The following LMO7 variants were observed in gnomAD, a reference collection of about 807,000 sequenced individuals.
LMO7 encodes the protein LIM domain 7, also known as LIM domain only protein 7.
A neutral mutation model predicts 206.5 loss-of-function variants in LMO7; 120 were observed. That is an observed-to-expected ratio of 0.58 (90% confidence interval 0.50 to 0.68). The LOEUF (loss-of-function observed/expected upper bound fraction) is 0.68, where lower values mean the gene tolerates loss of function less well. Among genes scored for constraint, LMO7 ranks in the 30% least tolerant of loss-of-function variants. The pLI is 0.00. For synonymous variants in LMO7, 706 were observed against 681.5 expected, an observed-to-expected ratio of 1.04 and a Z score of -0.56; for missense variants, 1,959 against 1,957.9, an observed-to-expected ratio of 1.00 and a Z score of -0.01.
At chr13:75,640,300 C>G (rs1263317822) in intron 1 of LMO7, among the ~76,000 whole-genome samples, 1 of 152,146 alleles carries the variant, frequency 6.6e-6, no homozygotes. Context: ...GTTTTTTCCT[C>G]TTAATCTCCC....
chr13:75,709,588 A>C (rs923711432), intron 1 of LMO7, among the ~76,000 whole-genome samples: 1 of 152,130 alleles, frequency 6.6e-6, no homozygotes, highest in Admixed American at 6.5e-5. Flanking sequence ...TGGCTGCATA[A>C]ATGTCTTCTT....
At chr13:75,674,478 G>A (rs968228813) in intron 1 of LMO7, among the ~76,000 whole-genome samples, 1 of 152,178 alleles carries the variant, frequency 6.6e-6, no homozygotes, top group African/African-American at 2.4e-5. Context: ...TGTGGATTGT[G>A]CTTTCAGAAA....
intron 30 of LMO7, 64 bp downstream of exon 30, chr13:75,856,672 T>G: frequency 6.5e-6 from 6 of 921,052 alleles, no homozygotes; most frequent in East Asian, 2.5e-5. Context: ...TCCCATGCAT[T>G]TCCCTGAACC....
chr13:75,834,122 T>C, intron 16 of LMO7, 104 bp from the exon 17 acceptor site: 2 of 779,342 alleles, frequency 2.6e-6, no homozygotes, highest in East Asian at 5.6e-5. Context: ...AAGAGAGAAA[T>C]GGTTAATTGA....
intron 5 of LMO7, among the ~76,000 whole-genome samples, chr13:75,795,775 G>A (rs370267430): frequency 2.9e-4 from 44 of 152,166 alleles, no homozygotes; most frequent in African/African-American, 8.9e-4. Context: ...CAATGAGAAC[G>A]CATGGACACA....
intron 4 of LMO7, among the ~76,000 whole-genome samples, chr13:75,774,842 G>T (rs1235839412): frequency 6.6e-6 from 1 of 152,062 alleles, no homozygotes; most frequent in Non-Finnish European, 1.5e-5. Flanking sequence ...AAGAGCAGAA[G>T]ATTTGATGAA....
chr13:75,815,303 T>A (rs2056864491), intron 11 of LMO7, among the ~76,000 whole-genome samples: 1 of 151,990 alleles, frequency 6.6e-6, no homozygotes. Flanking sequence ...ATGGTGCAGG[T>A]GGTAAGAAGT....
At chr13:75,688,602 C>A (rs370461846) in intron 1 of LMO7, 1 of 152,284 alleles carries the variant, frequency 6.6e-6, no homozygotes, top group African/African-American at 2.4e-5. Flanking sequence ...TTGCATTAAC[C>A]CCCCATGGAA....
At chr13:75,764,599 G>A (rs1219931248) in intron 4 of LMO7, among the ~76,000 whole-genome samples, 1 of 152,046 alleles carries the variant, frequency 6.6e-6, no homozygotes, top group Non-Finnish European at 1.5e-5. Flanking sequence ...AGAAAGGTAG[G>A]GTTTAACCAT....
intron 1 of LMO7, among the ~76,000 whole-genome samples, chr13:75,690,515 T>C (rs1377987953): frequency 6.6e-6 from 1 of 152,210 alleles, no homozygotes; most frequent in Non-Finnish European, 1.5e-5. Context: ...ATAAATAAAG[T>C]ACTTGATTGA....
chr13:75,772,863 A>G (rs975359794), intron 4 of LMO7, among the ~76,000 whole-genome samples: 1 of 152,108 alleles, frequency 6.6e-6, no homozygotes, highest in African/African-American at 2.4e-5. Flanking sequence ...ATGGAAAACA[A>G]CCAGGGATCT....
At chr13:75,738,786 G>C (rs2046177823) in intron 3 of LMO7, among the ~76,000 whole-genome samples, 1 of 152,190 alleles carries the variant, frequency 6.6e-6, no homozygotes, top group Non-Finnish European at 1.5e-5. Context: ...TATTGAACCA[G>C]AATAATGTTT....
At chr13:75,686,146 TG>T (rs906508468) in intron 1 of LMO7, among the ~76,000 whole-genome samples, 1 of 152,084 alleles carries the variant, frequency 6.6e-6, no homozygotes, top group African/African-American at 2.4e-5. Context: ...CCTAAAGTGC[TG>T]GGATTACAGG....
intron 1 of LMO7, among the ~76,000 whole-genome samples, chr13:75,644,422 G>T (rs1365280490): frequency 6.6e-6 from 1 of 152,276 alleles, no homozygotes; most frequent in East Asian, 1.9e-4. Flanking sequence ...CGCTGGCCAG[G>T]TAGTTCATCA....
chr13:75,739,796 T>C (rs2046271250), intron 3 of LMO7, among the ~76,000 whole-genome samples: 1 of 152,222 alleles, frequency 6.6e-6, no homozygotes. Context: ...TTTTGTCCTG[T>C]ACTTTTCTAA....
chr13:75,840,305 A>G lies in LMO7; in HGVS notation c.3478-86A>G, dbSNP rs1371136075. On this transcript the variant is annotated intron_variant, in intron 21 of 30. Transcript: ENST00000377534. ...GTTTAAGCAAACTGTGATATGAATA[A>G]TTTATGTGTGCAAAAGTGGTTCAGT... The G allele has an allele frequency of 6.7e-6, 10 of 1,489,256 alleles. No individual in the cohort carries two copies. In the East Asian group the frequency reaches 2.3e-4, roughly 34 times the overall value. 92.3% of individuals were successfully genotyped at this position (1,489,256 alleles called of 1,614,324 possible).
At chr13:75,849,412 A>G in intron 27 of LMO7, 120 bp downstream of exon 27, 1 of 696,422 alleles carries the variant, frequency 1.4e-6, no homozygotes, top group Non-Finnish European at 2.5e-6. Flanking sequence ...CGCTCTGGGC[A>G]CTATTATGTG....
At chr13:75,750,271 A>G (rs935907587) in intron 3 of LMO7, among the ~76,000 whole-genome samples, 1 of 152,082 alleles carries the variant, frequency 6.6e-6, no homozygotes, top group African/African-American at 2.4e-5. Context: ...ACTTATGTGC[A>G]TACTAAAGAG....
At chr13:75,675,694 A>T (rs1454578589) in intron 1 of LMO7, among the ~76,000 whole-genome samples, 1 of 152,212 alleles carries the variant, frequency 6.6e-6, no homozygotes, top group African/African-American at 2.4e-5. Flanking sequence ...TCTGAGACAG[A>T]GCTCTGTATC....
Sources: allele counts gnomAD v4.1 joint callset (sites outside exome capture counted in the v4.1 genomes callset), GRCh38; gene constraint gnomAD v4.1.1; transcripts MANE v1.5; gene names NCBI Gene and HGNC (gene_info 2026-07-23, HGNC 2026-07-21).